Variants in GRIK5 observed in about 807,000 individuals in gnomAD.
The protein encoded by GRIK5 is glutamate ionotropic receptor kainate type subunit 5, also known as glutamate receptor ionotropic, kainate 5.
A neutral mutation model predicts 97.4 loss-of-function variants in GRIK5; 43 were observed. The observed-to-expected ratio is 0.44, with a 90% CI of 0.35 to 0.57. The LOEUF is 0.57. GRIK5 is among the 20% of genes least tolerant of loss of function. The pLI, the probability that GRIK5 is intolerant of heterozygous loss-of-function variation, is 0.01. For missense variants in GRIK5, 1,015 were observed against 1,382.0 expected, an observed-to-expected ratio of 0.73 and a Z score of 4.21; for synonymous variants, 580 against 583.5, an observed-to-expected ratio of 0.99 and a Z score of 0.09.
chr19:42,030,315 G>A (rs1011316155), intron 12 of GRIK5, among the ~76,000 whole-genome samples: 3 of 152,114 alleles, frequency 2.0e-5, no homozygotes, highest in African/African-American at 7.2e-5. Context: ...CTGAGTAGCT[G>A]GGATTAAAGG....
chr19:42,068,774 A>G (rs1444053203), intron 1 of GRIK5: 2 of 556,728 alleles, frequency 3.6e-6, no homozygotes, highest in Non-Finnish European at 6.5e-6. Flanking sequence ...AGAGGGGCCC[A>G]AGAGACACAG....
At position 42,054,350 on chromosome 19, in the gene GRIK5, G is replaced by A. The variant is rs140981334; in HGVS notation, c.1026C>T (p.His342=). 139 of 1,612,982 alleles carry A rather than the reference G, an allele frequency of 8.6e-5. 1 individual carries two copies. The Middle Eastern group carries it at 1.2e-3, about 13-fold the overall frequency. The change falls in exon 9 of 20, where the codon CAC becomes CAT. Residue 342 remains histidine, a synonymous_variant. Coordinates refer to ENST00000593562, the MANE Select transcript of GRIK5 (RefSeq NM_002088.5). ...GCAGGTAGTTCATGAGGCTGGTCCCGTGGGGCCAAATGTTGGCCGATGTAC... is the reference window on the plus strand; with the variant it reads ...GCAGGTAGTTCATGAGGCTGGTCCCATGGGGCCAAATGTTGGCCGATGTAC... ...LACTSANIWP[H]GTSLMNYLRM...
At chr19:42,041,437 A>G (rs957429910) in intron 12 of GRIK5, among the ~76,000 whole-genome samples, 1 of 152,190 alleles carries the variant, frequency 6.6e-6, no homozygotes, top group African/African-American at 2.4e-5. Flanking sequence ...GTCCCCCAGT[A>G]TCTGCCAAGC....
intron 15 of GRIK5, among the ~76,000 whole-genome samples, chr19:42,007,951 T>C (rs1294286988): frequency 6.6e-6 from 1 of 151,980 alleles, no homozygotes; most frequent in Non-Finnish European, 1.5e-5. Flanking sequence ...AATTCACAAG[T>C]AACCTAACTA....
At chr19:42,004,188 T>C (rs782745500) in intron 17 of GRIK5, among the ~76,000 whole-genome samples, 5 of 152,212 alleles carry the variant, frequency 3.3e-5, no homozygotes. Context: ...TAATTTACTT[T>C]GGAGCAGCTG....
At position 42,042,230 on chromosome 19, in the gene GRIK5, G is replaced by T. The variant is rs2075985717; in HGVS notation, c.1473+322C>A. On this transcript the variant is annotated intron_variant, in intron 12 of 19. Transcript: ENST00000593562. The surrounding 1 kb of genome is among the most constrained non-coding windows in gnomAD (Gnocchi z 6.9). Reference sequence around the variant, plus strand: ...CTTTGACCTCCTCAGACCTTTTCCTGCTCCCCACTCCATGTCTCTTTCATT... The same window carrying T: ...CTTTGACCTCCTCAGACCTTTTCCTTCTCCCCACTCCATGTCTCTTTCATT... Among the ~76,000 whole-genome samples the T allele has an allele frequency of 6.6e-6, 1 of 152,136 alleles. No homozygotes were observed. The highest frequency in any genetic ancestry group is 6.5e-5 in the Admixed American group (1 of 15,272).
intron 1 of GRIK5, among the ~76,000 whole-genome samples, chr19:42,067,043 C>A (rs1261152892): frequency 1.3e-5 from 2 of 152,204 alleles, no homozygotes; most frequent in Non-Finnish European, 2.9e-5. Context: ...TTCTGCAGGG[C>A]AACCACTGGG....
chr19:42,039,299 C>A (rs918097951), intron 12 of GRIK5, among the ~76,000 whole-genome samples: 1 of 152,092 alleles, frequency 6.6e-6, no homozygotes, highest in Non-Finnish European at 1.5e-5. Context: ...CATGGCGAAA[C>A]CCATCTCTAC....
intron 15 of GRIK5, among the ~76,000 whole-genome samples, chr19:42,017,999 G>A (rs895277198): frequency 6.6e-6 from 1 of 151,956 alleles, no homozygotes; most frequent in Non-Finnish European, 1.5e-5. Flanking sequence ...TGGGGGCCAT[G>A]GTCAGAGTGA....
At chr19:42,034,221 C>T (rs535073349) in intron 12 of GRIK5, among the ~76,000 whole-genome samples, 51 of 152,056 alleles carry the variant, frequency 3.4e-4, no homozygotes, top group South Asian at 2.5e-3. Flanking sequence ...ACCAGCCAGG[C>T]GTGATGGAGC....
At chr19:42,016,443 AAAC>A (rs944287040) in intron 15 of GRIK5, among the ~76,000 whole-genome samples, 22 of 152,266 alleles carry the variant, frequency 1.4e-4, no homozygotes, top group African/African-American at 5.1e-4. Context: ...AATAAAAACA[AAAC>A]AACAACAACA....
At chr19:42,034,333 C>T (rs1226208127) in intron 12 of GRIK5, among the ~76,000 whole-genome samples, 1 of 152,116 alleles carries the variant, frequency 6.6e-6, no homozygotes, top group Non-Finnish European at 1.5e-5. Flanking sequence ...TGCATTGCAC[C>T]ACTGCACTCC....
chr19:42,007,879 A>C (rs1175658488), intron 15 of GRIK5, among the ~76,000 whole-genome samples: 1 of 152,210 alleles, frequency 6.6e-6, no homozygotes, highest in Non-Finnish European at 1.5e-5. Context: ...TTAGCCCTAG[A>C]ATAAAGGCAA....
rs1225212293 is a variant in GRIK5 at position 42,069,426 on chromosome 19, G to C, written c.-236C>G. ...GTGGCTCCACAGGAGCAGGGAGGAA[G>C]GACAGGTGGAAGAGGAGAGGGCGGG... On this transcript the variant is annotated 5_prime_UTR_variant, in exon 1 of 20. Transcript: ENST00000593562. The C allele has an allele frequency of 6.6e-6, 1 of 151,526 alleles. No individual in the cohort carries two copies. Among genetic ancestry groups the C allele is most frequent in the African/African-American group, 2.4e-5 (1 of 41,078 alleles). The allele number at this position is 151,526 out of a possible 1,614,324, so 9.4% of individuals were successfully genotyped here.
intron 12 of GRIK5, among the ~76,000 whole-genome samples, chr19:42,037,364 C>T (rs2075919564): frequency 1.3e-5 from 2 of 152,160 alleles, no homozygotes; most frequent in South Asian, 4.1e-4. Context: ...GAGGCTGAGG[C>T]AGGAAAATCG....
chr19:42,053,738 C>T lies in GRIK5; in HGVS notation c.1162-29G>A, dbSNP rs749311724. The T allele has an allele frequency of 4.5e-6, 7 of 1,561,670 alleles. No homozygotes were observed. The South Asian group carries it at 7.8e-5, about 17-fold the overall frequency. On this transcript the variant is annotated intron_variant, in intron 10 of 19. Coordinates refer to ENST00000593562, the MANE Select transcript of GRIK5 (RefSeq NM_002088.5). ...GGGGGCAGAGAGGGTGCTGTCAGCT[C>T]AGGCCCTGCCTGAGGTCATGGCAGC...
intron 15 of GRIK5, among the ~76,000 whole-genome samples, chr19:42,011,718 A>G (rs2075565066): frequency 6.6e-6 from 1 of 152,188 alleles, no homozygotes; most frequent in South Asian, 2.1e-4. Flanking sequence ...TCACGCTGTA[A>G]TTCCATCACT....
intron 15 of GRIK5, among the ~76,000 whole-genome samples, chr19:42,012,738 G>A (rs750708969): frequency 2.7e-4 from 41 of 151,958 alleles, no homozygotes; most frequent in Middle Eastern, 3.4e-3. Flanking sequence ...TGGGTGGCAC[G>A]TGCCTGTGGT....
intron 6 of GRIK5, among the ~76,000 whole-genome samples, chr19:42,058,834 A>G (rs918619667): frequency 4.6e-5 from 7 of 151,890 alleles, no homozygotes; most frequent in African/African-American, 9.7e-5. Flanking sequence ...TCAAAAAAAA[A>G]AAAAAAGAAA....
Sources: allele counts gnomAD v4.1 joint callset (sites outside exome capture counted in the v4.1 genomes callset), GRCh38; gene constraint gnomAD v4.1.1; non-coding constraint Gnocchi (gnomAD v3.1); transcripts MANE v1.5; gene names NCBI Gene and HGNC (gene_info 2026-07-23, HGNC 2026-07-21).